The following PCDHGB5 variants were observed in gnomAD, a reference collection of about 807,000 sequenced individuals.
PCDHGB5 encodes protocadherin gamma subfamily B, 5.
Under a neutral mutation model 62.9 loss-of-function variants are expected in PCDHGB5, and 48 were observed. That is an observed-to-expected ratio of 0.76 (90% CI 0.61 to 0.97). The LOEUF is 0.97. Among genes scored for constraint, PCDHGB5 ranks in the 50% least tolerant of loss-of-function variants. The pLI, the probability that PCDHGB5 is intolerant of heterozygous loss-of-function variation, is 0.00. For synonymous variants in PCDHGB5, 474 were observed against 511.2 expected (o/e 0.93, Z 0.98); for missense variants, 1,118 against 1,198.6 (o/e 0.93, Z 0.99).
intron 1 of PCDHGB5, chr5:141,418,857 T>G (rs1378155402): frequency 6.2e-7 from 1 of 1,613,988 alleles, no homozygotes; most frequent in South Asian, 1.1e-5. Context: ...CGGTGTAAAG[T>G]AATTGTAGAA....
In PCDHGB5 at chr5:141,438,090, A is replaced by G. The variant is rs560861677; in HGVS notation, c.2397+37566A>G. 1.2e-4 allele frequency among the ~76,000 whole-genome samples: 18 copies of G among 152,310 alleles called. No individual in the cohort carries two copies. In the South Asian group the frequency reaches 3.5e-3, roughly 30 times the overall value. ...CATACTTAATGGAAAATTACCAGTA[A>G]CAGGGCATACTGTTTAGGATGCATT... On this transcript the variant is annotated intron_variant, in intron 1 of 3. Coordinates refer to ENST00000617380, the MANE Select transcript of PCDHGB5 (RefSeq NM_018925.3).
At chr5:141,415,490 T>C in intron 1 of PCDHGB5, 2 of 1,614,228 alleles carry the variant, frequency 1.2e-6, no homozygotes, top group Admixed American at 3.3e-5. Flanking sequence ...AAGAGTCACC[T>C]GATCTTCCCC....
intron 1 of PCDHGB5, among the ~76,000 whole-genome samples, chr5:141,456,917 C>G (rs1005360691): frequency 2.6e-5 from 4 of 152,032 alleles, no homozygotes; most frequent in Non-Finnish European, 5.9e-5. Context: ...GAGCCGAGAT[C>G]GCACCACTGC....
chr5:141,422,296 A>C, intron 1 of PCDHGB5: 1 of 1,550,706 alleles, frequency 6.4e-7, no homozygotes, highest in South Asian at 1.3e-5. Context: ...TATTAATTCA[A>C]TTCTGGAAAA....
chr5:141,433,017 A>G, intron 1 of PCDHGB5: 2 of 1,614,124 alleles, frequency 1.2e-6, no homozygotes, highest in Non-Finnish European at 8.5e-7. Context: ...CTGCAGACCT[A>G]TTCCCACGAG....
chr5:141,486,405 G>A lies in PCDHGB5; in HGVS notation c.2398-8402G>A. 6.2e-7 allele frequency: 1 copy of A among 1,614,114 alleles called. No homozygotes were observed. The highest frequency in any genetic ancestry group is 2.2e-5 in the East Asian group (1 of 44,862). On this transcript the variant is annotated intron_variant, in intron 1 of 3. Transcript: ENST00000617380. The surrounding 1 kb of genome is among the most constrained non-coding windows in gnomAD (Gnocchi z 5.0). ...AACCAGTTCTCCCTGGTGACTGCTG[G>A]ACCCTTGGATCGAGAGGCCAAATCT...
rs1561672586 is a variant in PCDHGB5 at position 141,399,812 on chromosome 5, C to T, written c.1685C>T (p.Ala562Val). 6.2e-7 allele frequency: 1 copy of T among 1,613,222 alleles called. No homozygotes were observed. Among genetic ancestry groups the T allele is most frequent in the South Asian group, 1.1e-5 (1 of 91,056 alleles). ...AACGCACCGCGGGTGCTGTACCCCG[C>T]GCTGGGTCCCGACGGCTCTGCGCTC... Reference protein sequence around the residue: ...NDNAPRVLYPALGPDGSALFD... With the variant: ...NDNAPRVLYPVLGPDGSALFD... The change falls in exon 1 of 4, where the codon GCG becomes GTG. Residue 562 changes from alanine to valine, a missense_variant. Transcript: ENST00000617380.
At position 141,489,985 on chromosome 5, in the gene PCDHGB5, G is replaced by A. The variant is rs761481986; in HGVS notation, c.2398-4822G>A. ...AACCTTCCAATCCTCAGTTCTACGT[G>A]TGGGAATCCCAGAGAATGCACCCAT... On this transcript the variant is annotated intron_variant, in intron 1 of 3. Transcript: ENST00000617380. The surrounding 1 kb of genome is among the most constrained non-coding windows in gnomAD (Gnocchi z 4.5). The A allele has an allele frequency of 1.2e-6, 2 of 1,614,094 alleles. No homozygotes were observed. Among genetic ancestry groups the A allele is most frequent in the African/African-American group, 2.7e-5 (2 of 74,946 alleles).
At chr5:141,415,738 AGGTTTTT>A in intron 1 of PCDHGB5, 2 of 538,082 alleles carry the variant, frequency 3.7e-6, no homozygotes, top group Non-Finnish European at 5.4e-6. Flanking sequence ...ATGTTTATTA[AGGTTTTT>A]TTTTTTTTTT....
chr5:141,418,107 A>C, intron 1 of PCDHGB5: 1 of 1,614,036 alleles, frequency 6.2e-7, no homozygotes, highest in Non-Finnish European at 8.5e-7. Flanking sequence ...CAGAGCGGGG[A>C]CTTACTTGTG....
chr5:141,460,587 T>C (rs1461971599), intron 1 of PCDHGB5, among the ~76,000 whole-genome samples: 1 of 152,170 alleles, frequency 6.6e-6, no homozygotes, highest in Non-Finnish European at 1.5e-5. Flanking sequence ...TGTGGGTTTT[T>C]TCTGGGCTCT....
chr5:141,415,717 A>G, intron 1 of PCDHGB5: 1 of 839,652 alleles, frequency 1.2e-6, no homozygotes, highest in Non-Finnish European at 1.8e-6. Flanking sequence ...AACACTGATG[A>G]GTAGAATTTG....
At chr5:141,417,950 GAGCCGATCCGCT>G (rs1361985861) in intron 1 of PCDHGB5, 1 of 1,613,484 alleles carries the variant, frequency 6.2e-7, no homozygotes, top group African/African-American at 1.3e-5. Context: ...CACGCTGTGT[GAGCCGATCCGCT>G]ACTCGATTCC....
At position 141,511,199 on chromosome 5, in the gene PCDHGB5, G is replaced by C. The variant is rs1303066281; in HGVS notation, c.*26G>C. On this transcript the variant is annotated 3_prime_UTR_variant, in exon 4 of 4. Coordinates refer to ENST00000617380, the MANE Select transcript of PCDHGB5 (RefSeq NM_018925.3). The stretch of plus-strand genomic sequence containing the variant: ...CATGGAGGCCAGGCCAAGAGCCACA[G>C]GGCGGCCTCTCCCCAACCAGCCCAG... 6.2e-6 allele frequency: 10 copies of C among 1,612,868 alleles called. No individual in the cohort carries two copies. In the East Asian group the frequency reaches 2.2e-4, roughly 36 times the overall value.
intron 1 of PCDHGB5, among the ~76,000 whole-genome samples, chr5:141,406,174 G>T (rs990967391): frequency 6.6e-6 from 1 of 151,264 alleles, no homozygotes; most frequent in African/African-American, 2.4e-5. Context: ...CTGGGCTTAT[G>T]CAATCCTCCC....
At chr5:141,425,447 A>G (rs549575207) in intron 1 of PCDHGB5, among the ~76,000 whole-genome samples, 5 of 152,318 alleles carry the variant, frequency 3.3e-5, no homozygotes, top group African/African-American at 1.2e-4. Flanking sequence ...AAAATAAAAC[A>G]CCATCACATT....
rs749817501 is a variant in PCDHGB5 at position 141,423,756 on chromosome 5, G to GT, written c.2397+23232_2397+23233insT. ...GCCTGTTATGAAAACTGTTTGGGGGGGGGGTGGGGCGGCATATATTTAGTT... is the reference window on the plus strand; with the variant it reads ...GCCTGTTATGAAAACTGTTTGGGGGGTGGGGTGGGGCGGCATATATTTAGTT... On this transcript the variant is annotated intron_variant, in intron 1 of 3. Transcript: ENST00000617380. 9 of 448,538 alleles carry GT rather than the reference G, an allele frequency of 2.0e-5. 1 individual carries two copies. Among genetic ancestry groups the GT allele is most frequent in the African/African-American group, 2.8e-5 (1 of 35,670 alleles). 27.8% of individuals were successfully genotyped at this position (448,538 alleles called of 1,614,324 possible).
chr5:141,429,896 A>G (rs1307950556), intron 1 of PCDHGB5, among the ~76,000 whole-genome samples: 1 of 152,346 alleles, frequency 6.6e-6, no homozygotes, highest in South Asian at 2.1e-4. Flanking sequence ...TGAACAATAA[A>G]TATTTTTGAA....
chr5:141,427,568 T>A (rs1260622772), intron 1 of PCDHGB5: 1 of 660,576 alleles, frequency 1.5e-6, no homozygotes, highest in Admixed American at 2.1e-5. Flanking sequence ...AGGGCAAGCC[T>A]CCGCTCTCAT....
Sources: gnomAD v4.1 joint callset for allele counts (sites outside exome capture counted in the v4.1 genomes callset) on GRCh38, gnomAD v4.1.1 for gene constraint, Gnocchi (gnomAD v3.1) non-coding constraint, MANE v1.5 for transcripts, NCBI Gene and HGNC (gene_info 2026-07-23, HGNC 2026-07-21) for gene names.